TRPV3: variants seen among roughly 807,000 people sequenced by gnomAD.
TRPV3 encodes the protein transient receptor potential cation channel subfamily V member 3, also known as VRL-3.
Under a neutral mutation model 87.1 loss-of-function variants are expected in TRPV3, and 88 were observed. The ratio of observed to expected loss-of-function variants is 1.01; its 90% CI spans 0.85 to 1.21. The LOEUF is 1.21. Ranked by LOEUF, TRPV3 falls within the 50% of genes most tolerant of loss-of-function variation. The pLI, the probability that TRPV3 is intolerant of heterozygous loss-of-function variation, is 0.00. For synonymous variants in TRPV3, 438 were observed against 423.3 expected, an observed-to-expected ratio of 1.03 and a Z score of -0.43; for missense variants, 1,054 against 1,030.1, an observed-to-expected ratio of 1.02 and a Z score of -0.32.
At chr17:3,544,995 C>T (rs2074510413) in intron 3 of TRPV3, among the ~76,000 whole-genome samples, 172 bp downstream of exon 3, 1 of 152,194 alleles carries the variant, frequency 6.6e-6, no homozygotes, top group Non-Finnish European at 1.5e-5. Flanking sequence ...GCCTGGGCAA[C>T]AGAGCGACAT....
In TRPV3 at chr17:3,518,730, A is replaced by G; in HGVS notation, c.1931T>C (p.Ile644Thr). ...AATGGGATACTTGGAGTTCTGCTGG[A>G]TGTTCAGGTCACCCAGGCCTATGGT... ...KLTIGLGDLNIQQNSKYPILF... is the reference protein window; with the variant it reads ...KLTIGLGDLNTQQNSKYPILF... The change falls in exon 15 of 18, where the codon ATC (isoleucine) becomes ACC (threonine). Residue 644 changes from isoleucine (I) to threonine (T), a missense_variant. Transcript: ENST00000576742. This position sits in a 1 kb window ranked among gnomAD's most constrained non-coding sequence, Gnocchi z 4.3. 5 of 1,613,664 alleles carry G rather than the reference A, an allele frequency of 3.1e-6. No individual in the cohort carries two copies. Among genetic ancestry groups the G allele is most frequent in the Non-Finnish European group, 3.4e-6 (4 of 1,179,830 alleles).
intron 6 of TRPV3, among the ~76,000 whole-genome samples, chr17:3,537,749 C>CA (rs1386384026): frequency 1.3e-5 from 2 of 151,250 alleles, no homozygotes; most frequent in African/African-American, 4.9e-5. Flanking sequence ...ACTGAAAATA[C>CA]AAAAAAATTA....
At chr17:3,536,520 A>G (rs1477247149) in intron 6 of TRPV3, among the ~76,000 whole-genome samples, 1 of 152,148 alleles carries the variant, frequency 6.6e-6, no homozygotes, top group Non-Finnish European at 1.5e-5. Context: ...CCCAGGAGGC[A>G]GAGGTTGCAG....
At chr17:3,547,551 G>A (rs1302549755) in intron 2 of TRPV3, among the ~76,000 whole-genome samples, 6 of 152,242 alleles carry the variant, frequency 3.9e-5, no homozygotes, top group Non-Finnish European at 7.3e-5. Flanking sequence ...GACCTGGGAG[G>A]TGGAGGTTGC....
intron 12 of TRPV3, 129 bp downstream of exon 12, chr17:3,526,725 T>C: frequency 1.4e-6 from 1 of 732,942 alleles, no homozygotes; most frequent in Non-Finnish European, 2.4e-6. Context: ...CCCTGGCGTG[T>C]AACCATGGCA....
chr17:3,525,222 G>A (rs1458784252), intron 12 of TRPV3, among the ~76,000 whole-genome samples: 1 of 152,170 alleles, frequency 6.6e-6, no homozygotes, highest in Non-Finnish European at 1.5e-5. Flanking sequence ...GTTTCACCAT[G>A]TTGGCCAGGC....
At chr17:3,532,571 C>G (rs780534154) in intron 8 of TRPV3, 86 bp downstream of exon 8, 156 of 1,498,964 alleles carry the variant, frequency 1.0e-4, no homozygotes, top group Admixed American at 3.2e-4. Flanking sequence ...TTTGTGAATC[C>G]CCAGTAAGGC....
intron 6 of TRPV3, among the ~76,000 whole-genome samples, chr17:3,540,060 AAAATAAAT>A (rs369472913): frequency 0.044 from 6,357 of 145,614 alleles, 177 homozygotes; most frequent in Non-Finnish European, 0.065. Flanking sequence ...TCCATCTCAA[AAAATAAAT>A]AAATAAATAA....
In TRPV3 at chr17:3,512,728, G is replaced by A. The variant is rs2074130019; in HGVS notation, c.*1189C>T. 1 of 151,588 alleles carries A rather than the reference G, an allele frequency of 6.6e-6. No individual in the cohort carries two copies. Among genetic ancestry groups the A allele is most frequent in the Admixed American group, 6.6e-5 (1 of 15,166 alleles). 9.4% of individuals were successfully genotyped at this position (151,588 alleles called of 1,614,324 possible). A position where few individuals can be genotyped will look rare whatever the true frequency, so the allele number is the denominator to read the frequency against. On this transcript the variant is annotated 3_prime_UTR_variant, in exon 18 of 18. Transcript: ENST00000576742. Reference sequence around the variant, plus strand: ...TCATTTCAGAAAGAGAACATCAGAGGACGAGGACCTAAAAATAAGCTCAAA... The same window carrying A: ...TCATTTCAGAAAGAGAACATCAGAGAACGAGGACCTAAAAATAAGCTCAAA...
Position 3,513,545 on chromosome 17 carries a change from C to A in TRPV3, c.*372G>T. Reference sequence around the variant, plus strand: ...CGGGGGAAGCTGGCAGGAGGAAAGACTCCTCTCCCTGCTCCTCAAGACTGC... The same window carrying A: ...CGGGGGAAGCTGGCAGGAGGAAAGAATCCTCTCCCTGCTCCTCAAGACTGC... On this transcript the variant is annotated 3_prime_UTR_variant, in exon 18 of 18. Transcript: ENST00000576742. 1 of 187,240 alleles carries A rather than the reference C, an allele frequency of 5.3e-6. No individual in the cohort carries two copies. The allele number at this position is 187,240 out of a possible 1,614,324, so 11.6% of individuals were successfully genotyped here. A position where few individuals can be genotyped will look rare whatever the true frequency, so the allele number is the denominator to read the frequency against.
intron 13 of TRPV3, among the ~76,000 whole-genome samples, chr17:3,523,447 G>A (rs770307902): frequency 2.0e-4 from 31 of 152,130 alleles, no homozygotes; most frequent in African/African-American, 6.5e-4. Context: ...GGCCTGGCGC[G>A]GTGGTTCATG....
chr17:3,531,830 C>T (rs930293616), intron 8 of TRPV3, among the ~76,000 whole-genome samples: 1 of 152,188 alleles, frequency 6.6e-6, no homozygotes, highest in Non-Finnish European at 1.5e-5. Context: ...TCAAAAGGCC[C>T]CTTGTGGGTC....
rs2074643104 is a variant in TRPV3 at position 3,557,413 on chromosome 17, C to G, written c.-3+263G>C. On this transcript the variant is annotated intron_variant, in intron 1 of 17. Coordinates refer to ENST00000576742, the MANE Select transcript of TRPV3 (RefSeq NM_145068.4). The surrounding 1 kb of genome is among the most constrained non-coding windows in gnomAD (Gnocchi z 4.5). ...CAGTGGTGAGATTGAGATGTCCCTC[C>G]CCAGGATTCCCAAACCTCAGGGGAA... Among the ~76,000 whole-genome samples the G allele has an allele frequency of 6.6e-6, 1 of 152,166 alleles. No homozygotes were observed. Among genetic ancestry groups the G allele is most frequent in the African/African-American group, 2.4e-5 (1 of 41,436 alleles).
Position 3,556,600 on chromosome 17 carries a change from G to T in TRPV3, c.-3+1076C>A, listed in dbSNP as rs1427448908. On this transcript the variant is annotated intron_variant, in intron 1 of 17. Transcript: ENST00000576742. This position sits in a 1 kb window ranked among gnomAD's most constrained non-coding sequence, Gnocchi z 4.2. ...CCTACCCCAATAGGAAAGCTTCCTG[G>T]AGGAAGTTTCCGGAGCCAGGTGTCA... 6.6e-6 allele frequency among the ~76,000 whole-genome samples: 1 copy of T among 152,186 alleles called. No homozygotes were observed. Among genetic ancestry groups the T allele is most frequent in the South Asian group, 2.1e-4 (1 of 4,828 alleles).
Position 3,542,603 on chromosome 17 carries a change from G to T in TRPV3, c.562C>A (p.Arg188=). 1 of 1,613,978 alleles carries T rather than the reference G, an allele frequency of 6.2e-7. No individual in the cohort carries two copies. The highest frequency in any genetic ancestry group is 8.5e-7 in the Non-Finnish European group (1 of 1,179,936). ...NINPNTKEIV[R]ILLAFAEEND... ...TCTTCAGCAAAGGCAAGCAGGATCCGCACTATCTCCTTGGTGTTGGGGTTG... is the reference window on the plus strand; with the variant it reads ...TCTTCAGCAAAGGCAAGCAGGATCCTCACTATCTCCTTGGTGTTGGGGTTG... The change falls in exon 6 of 18, where the codon CGG becomes AGG. Residue 188 remains arginine, a synonymous_variant. Coordinates refer to ENST00000576742, the MANE Select transcript of TRPV3 (RefSeq NM_145068.4).
chr17:3,554,642 C>T, intron 2 of TRPV3, 90 bp downstream of exon 2: 1 of 925,668 alleles, frequency 1.1e-6, no homozygotes, highest in Non-Finnish European at 1.7e-6. Context: ...CTCAGGTCTC[C>T]CCAAGGCAAG....
intron 2 of TRPV3, 53 bp from the exon 3 acceptor site, chr17:3,545,324 G>T: frequency 7.2e-7 from 1 of 1,389,500 alleles, no homozygotes; most frequent in Non-Finnish European, 1.0e-6. Context: ...GAGCCTGTCT[G>T]CCTGTGTCCT....
intron 6 of TRPV3, among the ~76,000 whole-genome samples, chr17:3,541,784 T>C (rs191089517): frequency 6.6e-6 from 1 of 152,342 alleles, no homozygotes; most frequent in Admixed American, 6.5e-5. Context: ...ATCCTTCTCA[T>C]CATGTCGGCC....
intron 2 of TRPV3, 86 bp downstream of exon 2, chr17:3,554,646 A>C (rs555668279): frequency 5.1e-5 from 48 of 945,722 alleles, no homozygotes; most frequent in Non-Finnish European, 7.2e-5. Flanking sequence ...GGTCTCCCCA[A>C]GGCAAGGGCT....
Sources: gnomAD v4.1 joint callset for allele counts (sites outside exome capture counted in the v4.1 genomes callset) on GRCh38, gnomAD v4.1.1 for gene constraint, Gnocchi (gnomAD v3.1) non-coding constraint, MANE v1.5 for transcripts, NCBI Gene and HGNC (gene_info 2026-07-23, HGNC 2026-07-21) for gene names.